SULF1: variants seen among roughly 807,000 people sequenced by gnomAD.
SULF1 encodes extracellular sulfatase Sulf-1.
Under a neutral mutation model 110.5 loss-of-function variants are expected in SULF1, and 46 were observed. The ratio of observed to expected loss-of-function variants is 0.42; its 90% CI spans 0.33 to 0.53. The LOEUF is 0.53. Ranked by LOEUF, SULF1 falls within the 20% of genes least tolerant of loss-of-function variation. The pLI, the probability that SULF1 is intolerant of heterozygous loss-of-function variation, is 0.12. For synonymous variants in SULF1, 371 were observed against 387.1 expected (o/e 0.96, Z 0.49); for missense variants, 941 against 1,094.2 (o/e 0.86, Z 1.98).
chr8:69,584,889 T>G (rs1196705085), intron 6 of SULF1, among the ~76,000 whole-genome samples: 1 of 152,212 alleles, frequency 6.6e-6, no homozygotes, highest in African/African-American at 2.4e-5. Flanking sequence ...ATCAAAATTA[T>G]GTACATCATT....
chr8:69,505,461 G>C (rs1012953922), intron 3 of SULF1, among the ~76,000 whole-genome samples: 2 of 152,072 alleles, frequency 1.3e-5, no homozygotes, highest in Non-Finnish European at 2.9e-5. Context: ...TCCTAGCCTT[G>C]TTAATACCTA....
chr8:69,658,235 C>T (rs1812868607), intron 22 of SULF1, among the ~76,000 whole-genome samples: 1 of 152,150 alleles, frequency 6.6e-6, no homozygotes, highest in Admixed American at 6.5e-5. Flanking sequence ...AAACCCAAAT[C>T]CCCTGGCTGA....
At position 69,528,729 on chromosome 8, in the gene SULF1, A is replaced by G. The variant is rs138388466; in HGVS notation, c.-134+26761A>G. Among the ~76,000 whole-genome samples the G allele has an allele frequency of 1.9e-3, 295 of 152,320 alleles. 2 individuals are homozygous for G. Among genetic ancestry groups the G allele is most frequent in the African/African-American group, 6.7e-3 (278 of 41,572 alleles). On this transcript the variant is annotated intron_variant, in intron 3 of 22. Transcript: ENST00000402687. ...GGCATTTAAGCCATTAGTCCTGATG[A>G]GACATATTCACAGTTGGTCAAAGCA...
At chr8:69,533,789 T>C (rs187796828) in intron 3 of SULF1, among the ~76,000 whole-genome samples, 41 of 152,196 alleles carry the variant, frequency 2.7e-4, no homozygotes, top group Non-Finnish European at 5.6e-4. Flanking sequence ...GATTGTTGGA[T>C]CAAATGGTAT....
intron 22 of SULF1, chr8:69,642,142 CTTT>C (rs1280091640): frequency 1.3e-6 from 1 of 748,118 alleles, no homozygotes; most frequent in Non-Finnish European, 1.6e-6. Context: ...TTAATATCTT[CTTT>C]ATCTATATTA....
chr8:69,582,448 T>A (rs1415859149), intron 6 of SULF1, among the ~76,000 whole-genome samples: 1 of 152,210 alleles, frequency 6.6e-6, no homozygotes, highest in Non-Finnish European at 1.5e-5. Flanking sequence ...AGCCGTTGTT[T>A]TGTGCCAGGC....
intron 3 of SULF1, among the ~76,000 whole-genome samples, chr8:69,520,577 T>G (rs1237500958): frequency 6.6e-6 from 1 of 152,194 alleles, no homozygotes; most frequent in Non-Finnish European, 1.5e-5. Context: ...AAAATGACAT[T>G]TAAAGAATAA....
At chr8:69,478,831 C>T (rs1313475592) in intron 1 of SULF1, among the ~76,000 whole-genome samples, 1 of 152,150 alleles carries the variant, frequency 6.6e-6, no homozygotes, top group Non-Finnish European at 1.5e-5. Context: ...CTGCATCTAT[C>T]AAGCATAGCT....
intron 3 of SULF1, among the ~76,000 whole-genome samples, chr8:69,518,970 A>T (rs1812112564): frequency 6.6e-6 from 1 of 152,054 alleles, no homozygotes; most frequent in African/African-American, 2.4e-5. Flanking sequence ...CTCTATCCTC[A>T]TCTCTGCTTA....
At chr8:69,484,158 T>G (rs1809608670) in intron 1 of SULF1, among the ~76,000 whole-genome samples, 2 of 152,220 alleles carry the variant, frequency 1.3e-5, no homozygotes, top group Admixed American at 1.3e-4. Context: ...TTAAGCTCAG[T>G]TGACTTTTTA....
At chr8:69,533,091 T>A (rs1195033101) in intron 3 of SULF1, among the ~76,000 whole-genome samples, 1 of 152,216 alleles carries the variant, frequency 6.6e-6, no homozygotes, top group Non-Finnish European at 1.5e-5. Flanking sequence ...TATGCTCACT[T>A]TTGTGCAAAA....
At chr8:69,499,141 G>A (rs1810612277) in intron 2 of SULF1, among the ~76,000 whole-genome samples, 1 of 152,188 alleles carries the variant, frequency 6.6e-6, no homozygotes, top group African/African-American at 2.4e-5. Flanking sequence ...TTACAGGCAT[G>A]AGCCACTGCA....
chr8:69,570,768 G>A (rs940964626), intron 5 of SULF1, among the ~76,000 whole-genome samples: 5 of 152,166 alleles, frequency 3.3e-5, no homozygotes, highest in African/African-American at 9.7e-5. Flanking sequence ...CCCAGCCACC[G>A]CTGACCTCTT....
At chr8:69,626,338 A>G (rs937160895) in intron 15 of SULF1, among the ~76,000 whole-genome samples, 5 of 151,934 alleles carry the variant, frequency 3.3e-5, no homozygotes, top group Non-Finnish European at 5.9e-5. Flanking sequence ...TAAACACAGG[A>G]TGCTGATTGG....
In SULF1 at chr8:69,648,256, C is replaced by T. The variant is rs188011528; in HGVS notation, c.2585+7415C>T. ...TCCCATTGTGAAGTTTAAATTAGTACCATTAGAAATGAGACTTGGAAGAGA... is the reference window on the plus strand; with the variant it reads ...TCCCATTGTGAAGTTTAAATTAGTATCATTAGAAATGAGACTTGGAAGAGA... On this transcript the variant is annotated intron_variant, in intron 22 of 22. Coordinates refer to ENST00000402687, the MANE Select transcript of SULF1 (RefSeq NM_001128205.2). Among the ~76,000 whole-genome samples, 757 of 151,994 alleles carry T rather than the reference C, an allele frequency of 5.0e-3. 34 individuals are homozygous for T. Among genetic ancestry groups the T allele is most frequent in the Admixed American group, 0.048 (726 of 15,266 alleles).
intron 3 of SULF1, among the ~76,000 whole-genome samples, chr8:69,515,217 A>C (rs1811848181): frequency 6.6e-6 from 1 of 152,068 alleles, no homozygotes; most frequent in South Asian, 2.1e-4. Context: ...ACATCCAGGC[A>C]TGTCCATTTA....
At chr8:69,545,484 A>G (rs1399050576) in intron 3 of SULF1, among the ~76,000 whole-genome samples, 3 of 152,212 alleles carry the variant, frequency 2.0e-5, no homozygotes, top group Non-Finnish European at 4.4e-5. Flanking sequence ...CAGGGCATCA[A>G]GACTGGAACA....
At chr8:69,487,116 A>G (rs2150549261) in intron 1 of SULF1, among the ~76,000 whole-genome samples, 1 of 152,336 alleles carries the variant, frequency 6.6e-6, no homozygotes, top group East Asian at 1.9e-4. Flanking sequence ...TGCACGCCAT[A>G]ATTAGGAAGC....
At chr8:69,507,234 A>G (rs570720656) in intron 3 of SULF1, among the ~76,000 whole-genome samples, 42 of 152,324 alleles carry the variant, frequency 2.8e-4, no homozygotes, top group African/African-American at 9.4e-4. Context: ...TTGCAGGATA[A>G]TTTTAAATGG....
Sources: gnomAD v4.1 joint callset for allele counts (sites outside exome capture counted in the v4.1 genomes callset) on GRCh38, gnomAD v4.1.1 for gene constraint, MANE v1.5 for transcripts, NCBI Gene and HGNC (gene_info 2026-07-23, HGNC 2026-07-21) for gene names.